Variants in GBA1 observed in about 807,000 individuals in gnomAD.
GBA1 encodes lysosomal acid glucosylceramidase.
At chr1:155,237,423 G>A in the GBA1 span, 142 of 1,613,844 alleles carry the variant, frequency 8.8e-5, no homozygotes, top group Non-Finnish European at 1.1e-4. Flanking sequence ...GTTGGCGAGG[G>A]TAGGACCTAG....
At chr1:155,238,683 C>T in the GBA1 span, 27 of 1,613,054 alleles carry the variant, frequency 1.7e-5, no homozygotes, top group East Asian at 1.3e-4. Context: ...TATGGTAGTC[C>T]GAGTCAATAG....
At chr1:155,238,335 C>T in the GBA1 span, 2 of 1,550,004 alleles carry the variant, frequency 1.3e-6, no homozygotes, top group South Asian at 2.4e-5. Flanking sequence ...AAGAGAGAAG[C>T]ACCCAGAGTT....
At chr1:155,242,506 G>A in the GBA1 span, among the ~76,000 whole-genome samples, 1 of 152,006 alleles carries the variant, frequency 6.6e-6, no homozygotes, top group African/African-American at 2.4e-5. Flanking sequence ...ACAGGCATGA[G>A]CCACTGCGCT....
chr1:155,241,181 C>G, the GBA1 span: 2 of 1,508,294 alleles, frequency 1.3e-6, no homozygotes, highest in Non-Finnish European at 1.8e-6. Context: ...AGAGGATCCA[C>G]TAAACAAAAA....
chr1:155,239,832 T>C, the GBA1 span: 1 of 1,613,938 alleles, frequency 6.2e-7, no homozygotes, highest in East Asian at 2.2e-5. Context: ...ACTGACACCA[T>C]TTACCTCTAG....
chr1:155,239,507 G>A, the GBA1 span: 174 of 1,226,040 alleles, frequency 1.4e-4, no homozygotes, highest in Non-Finnish European at 1.8e-4. Flanking sequence ...CTCCTGTCTC[G>A]CCGACAGAAT....
the GBA1 span, among the ~76,000 whole-genome samples, chr1:155,236,718 G>A: frequency 1.3e-5 from 2 of 151,998 alleles, no homozygotes; most frequent in South Asian, 2.1e-4. Context: ...CTCCTGAGTA[G>A]CTGGGACTAC....
At chr1:155,237,399 T>C in the GBA1 span, 122 of 1,613,928 alleles carry the variant, frequency 7.6e-5, no homozygotes, top group South Asian at 1.0e-3. Context: ...TAGGCGGACA[T>C]TGTGGTGAGT....
the GBA1 span, chr1:155,236,112 T>G: frequency 1.2e-6 from 1 of 849,970 alleles, no homozygotes; most frequent in Non-Finnish European, 2.0e-6. Context: ...TAGGGAATCA[T>G]GGTTCCCCAG....
chr1:155,240,095 C>A, the GBA1 span: 19 of 1,608,960 alleles, frequency 1.2e-5, no homozygotes, highest in South Asian at 2.1e-4. Flanking sequence ...GGAGGGAGTA[C>A]AAGCAGAGTG....
the GBA1 span, among the ~76,000 whole-genome samples, chr1:155,243,401 CA>C: frequency 1.3e-5 from 2 of 152,136 alleles, no homozygotes; most frequent in South Asian, 4.1e-4. Context: ...TTTAGAAGTC[CA>C]AACATCTCCT....
the GBA1 span, chr1:155,241,115 C>A: frequency 1.9e-6 from 3 of 1,613,968 alleles, no homozygotes; most frequent in South Asian, 2.2e-5. Context: ...AACTCCATCC[C>A]CTCAGGGTCA....
At chr1:155,244,020 T>G in the GBA1 span, 2 of 152,254 alleles carry the variant, frequency 1.3e-5, no homozygotes, top group Non-Finnish European at 2.9e-5. Flanking sequence ...ACTCCACCCC[T>G]CAAAAAGCAA....
chr1:155,243,639 A>AT, the GBA1 span, among the ~76,000 whole-genome samples: 3 of 152,002 alleles, frequency 2.0e-5, no homozygotes, highest in Non-Finnish European at 2.9e-5. Context: ...TAATTTCTGT[A>AT]TTTTTTGTAG....
At chr1:155,238,154 GGTCTGGTGGTAGAT>G in the GBA1 span, 1 of 1,614,182 alleles carries the variant, frequency 6.2e-7, no homozygotes, top group South Asian at 1.1e-5. Context: ...ATCTGGCCCA[GGTCTGGTGGTAGAT>G]GTCTCCGGGC....
At chr1:155,236,520 C>A in the GBA1 span, 2 of 1,397,454 alleles carry the variant, frequency 1.4e-6, no homozygotes, top group Non-Finnish European at 2.0e-6. Context: ...GCTTCTGGAA[C>A]TTCTAGTTCC....
chr1:155,237,870 C>A, the GBA1 span: 2 of 649,442 alleles, frequency 3.1e-6, no homozygotes, highest in Non-Finnish European at 5.2e-6. Context: ...CCACAGCACT[C>A]CAGCCTGGGT....
the GBA1 span, chr1:155,238,730 A>G: frequency 6.2e-7 from 1 of 1,608,172 alleles, no homozygotes; most frequent in Non-Finnish European, 8.5e-7. Context: ...TGCCAGTCCT[A>G]ATAGTGTCTG....
the GBA1 span, chr1:155,238,269 C>G: frequency 1.9e-6 from 3 of 1,605,516 alleles, no homozygotes; most frequent in Non-Finnish European, 2.6e-6. Context: ...TGAAACGGGA[C>G]GCTGGGCCAA....
Sources: allele counts gnomAD v4.1 joint callset (sites outside exome capture counted in the v4.1 genomes callset), GRCh38; gene constraint gnomAD v4.1.1; transcripts MANE v1.5; gene names NCBI Gene and HGNC (gene_info 2026-07-23, HGNC 2026-07-21).